The following TMEM87A variants were observed in gnomAD, a reference collection of about 807,000 sequenced individuals.
The protein encoded by TMEM87A is transmembrane protein 87A, also known as Golgi-pH regulating cation channel.
A neutral mutation model predicts 90.0 loss-of-function variants in TMEM87A; 50 were observed. The ratio of observed to expected loss-of-function variants is 0.56; its 90% CI spans 0.44 to 0.70. The LOEUF (loss-of-function observed/expected upper bound fraction) is 0.70, where lower values mean the gene tolerates loss of function less well. TMEM87A is among the 30% of genes least tolerant of loss of function. The pLI is 0.00. For missense variants in TMEM87A, 577 were observed against 660.5 expected (o/e 0.87, Z 1.39); for synonymous variants, 226 against 226.7 (o/e 1.00, Z 0.03).
intron 6 of TMEM87A, among the ~76,000 whole-genome samples, chr15:42,257,080 T>C (rs1420888466): frequency 6.6e-6 from 1 of 152,126 alleles, no homozygotes; most frequent in Non-Finnish European, 1.5e-5. Flanking sequence ...ACAAACTGCA[T>C]AAAATCTATT....
At chr15:42,259,004 G>C (rs1416145191) in intron 6 of TMEM87A, 1 of 798,128 alleles carries the variant, frequency 1.3e-6, no homozygotes, top group Non-Finnish European at 2.2e-6. Flanking sequence ...GGAAAGAAAA[G>C]CAAGCTTGAG....
intron 6 of TMEM87A, among the ~76,000 whole-genome samples, chr15:42,260,110 C>T (rs935406764): frequency 3.9e-5 from 6 of 152,276 alleles, no homozygotes; most frequent in African/African-American, 1.2e-4. Flanking sequence ...CAGTGGCTCA[C>T]GCCTATAATC....
chr15:42,266,954 G>C (rs78185773), intron 3 of TMEM87A, among the ~76,000 whole-genome samples: 2,133 of 152,290 alleles, frequency 0.014, 48 homozygotes, highest in African/African-American at 0.049. Context: ...TTATTTGAGA[G>C]TTATTTCTCT....
chr15:42,261,474 T>C (rs1392407128), intron 4 of TMEM87A, among the ~76,000 whole-genome samples: 2 of 152,196 alleles, frequency 1.3e-5, no homozygotes. Context: ...ATTCAATTTT[T>C]CTATCAGAAT....
At chr15:42,268,093 G>A (rs2140990711) in intron 2 of TMEM87A, 61 bp from the exon 3 acceptor site, 1 of 1,433,894 alleles carries the variant, frequency 7.0e-7, no homozygotes, top group Admixed American at 1.7e-5. Flanking sequence ...TTTTTCCTAA[G>A]CTGTTAACCT....
In TMEM87A at chr15:42,244,175, G is replaced by A; in HGVS notation, c.505-8C>T. 6.6e-7 allele frequency: 1 copy of A among 1,506,114 alleles called. No individual in the cohort carries two copies. Among genetic ancestry groups the A allele is most frequent in the South Asian group, 1.3e-5 (1 of 75,606 alleles). 93.3% of individuals were successfully genotyped at this position (1,506,114 alleles called of 1,614,324 possible). ...CAATGGTTCATGCATTGCCTAGAAA[G>A]GGAAAAGGGCATCACATCTATAAAT... is the stretch of plus-strand genomic sequence containing the variant. On this transcript the variant is annotated splice_polypyrimidine_tract_variant and splice_region_variant and intron_variant, in intron 6 of 19. Transcript: ENST00000389834.
In TMEM87A at chr15:42,236,329, C is replaced by A; in HGVS notation, c.959G>T (p.Gly320Val). 1 of 1,613,790 alleles carries A rather than the reference C, an allele frequency of 6.2e-7. No individual in the cohort carries two copies. The highest frequency in any genetic ancestry group is 8.5e-7 in the Non-Finnish European group (1 of 1,179,754). ...GGAAGTTAATACTTACTTGACGATG[C>A]CATATCCCAGACTGACTATGATGAC... ...TLVIIVSLGY[G>V]IVKPRLGVTL... Residue 320 changes from glycine (G) to valine (V), a missense_variant, in exon 10 of 20, where the codon GGC becomes GTC. Physicochemically the swap from Gly to Val is moderately radical, Grantham distance 109. Transcript: ENST00000389834.
intron 11 of TMEM87A, chr15:42,232,046 G>C (rs780996857): frequency 3.1e-6 from 1 of 324,398 alleles, no homozygotes; most frequent in Non-Finnish European, 4.8e-6. Flanking sequence ...TTTGATTTAA[G>C]AGGCAATTTA....
chr15:42,233,106 A>T, intron 11 of TMEM87A, 107 bp downstream of exon 11: 1 of 881,480 alleles, frequency 1.1e-6, no homozygotes, highest in Non-Finnish European at 1.8e-6. Context: ...CCCAAAAGTG[A>T]CTTAAAGCAA....
intron 17 of TMEM87A, 24 bp downstream of exon 17, chr15:42,219,557 G>A (rs2050437190): frequency 1.2e-5 from 19 of 1,570,562 alleles, no homozygotes; most frequent in Non-Finnish European, 1.6e-5. Context: ...AAAGAACAAA[G>A]ACAAATGGAA....
At chr15:42,254,899 G>GCACAC (rs2051148457) in intron 6 of TMEM87A, among the ~76,000 whole-genome samples, 1 of 151,910 alleles carries the variant, frequency 6.6e-6, no homozygotes, top group Non-Finnish European at 1.5e-5. Flanking sequence ...TGCCACAGTG[G>GCACAC]TGCAGTATGT....
At chr15:42,225,692 C>T (rs1595712772) in intron 15 of TMEM87A, among the ~76,000 whole-genome samples, 1 of 152,014 alleles carries the variant, frequency 6.6e-6, no homozygotes, top group East Asian at 1.9e-4. Flanking sequence ...CTGCCATGCT[C>T]GGTTAATTTT....
intron 6 of TMEM87A, among the ~76,000 whole-genome samples, chr15:42,250,178 T>C (rs1457169928): frequency 6.6e-6 from 1 of 152,222 alleles, no homozygotes; most frequent in African/African-American, 2.4e-5. Flanking sequence ...ATGAGATGGG[T>C]ATCCTGAATA....
chr15:42,225,001 C>A (rs999213790), intron 15 of TMEM87A, among the ~76,000 whole-genome samples: 1 of 152,100 alleles, frequency 6.6e-6, no homozygotes, highest in African/African-American at 2.4e-5. Context: ...GATCAACAGA[C>A]GGATATAAAA....
intron 7 of TMEM87A, among the ~76,000 whole-genome samples, chr15:42,243,532 T>G (rs1447403883): frequency 6.7e-6 from 1 of 149,864 alleles, no homozygotes; most frequent in East Asian, 1.9e-4. Flanking sequence ...TTTTTTTTTT[T>G]TGAGAACAAG....
In TMEM87A at chr15:42,239,469, T is replaced by C. The variant is rs528077767; in HGVS notation, c.684+201A>G. On this transcript the variant is annotated intron_variant, in intron 8 of 19. Coordinates refer to ENST00000389834, the MANE Select transcript of TMEM87A (RefSeq NM_015497.5). ...ACAGGTCACTGACCCCTTCATTATATGGATAAGAAAATGAGGCACACAAGG... is the reference window on the plus strand; with the variant it reads ...ACAGGTCACTGACCCCTTCATTATACGGATAAGAAAATGAGGCACACAAGG... Among the ~76,000 whole-genome samples the C allele has an allele frequency of 3.3e-4, 50 of 152,270 alleles. 1 individual carries two copies. The highest frequency in any genetic ancestry group is 6.8e-3 in the Middle Eastern group (2 of 294).
intron 7 of TMEM87A, 99 bp from the exon 8 acceptor site, chr15:42,239,830 G>C (rs776552138): frequency 7.3e-5 from 75 of 1,026,730 alleles, no homozygotes; most frequent in Non-Finnish European, 1.1e-4. Context: ...GAATTTCATT[G>C]GGTCATTTAC....
In TMEM87A at chr15:42,273,242, A is replaced by T; in HGVS notation, c.144+13T>A. The T allele has an allele frequency of 6.2e-7, 1 of 1,613,080 alleles. No homozygotes were observed. Among genetic ancestry groups the T allele is most frequent in the Non-Finnish European group, 8.5e-7 (1 of 1,179,386 alleles). ...CTCCTCTAGGTTCAGACGTTAGTGA[A>T]GTGAATACTCACCGACGGTATCGGA... On this transcript the variant is annotated intron_variant, in intron 1 of 19. Transcript: ENST00000389834.
chr15:42,233,303 T>G lies in TMEM87A; in HGVS notation c.972A>C (p.Pro324=), dbSNP rs756508324. ...CCTTATGAAGAGTGACTCCAAGGCG[T>G]GGCCTAAAGAGGAAGCAAGGAGATA... ...IVSLGYGIVK[P]RLGVTLHKVV... is the part of the protein sequence containing the mutation. Residue 324 remains proline, a synonymous_variant, in exon 11 of 20, where the codon CCA becomes CCC. Transcript: ENST00000389834. The G allele has an allele frequency of 3.1e-6, 5 of 1,613,364 alleles. No individual in the cohort carries two copies. The South Asian group carries it at 3.3e-5, about 11-fold the overall frequency.
Sources: gnomAD v4.1 joint callset for allele counts (sites outside exome capture counted in the v4.1 genomes callset) on GRCh38, gnomAD v4.1.1 for gene constraint, MANE v1.5 for transcripts, NCBI Gene and HGNC (gene_info 2026-07-23, HGNC 2026-07-21) for gene names.